ADAMTS17: variants seen among roughly 807,000 people sequenced by gnomAD.
ADAMTS17 encodes the protein A disintegrin and metalloproteinase with thrombospondin motifs 17.
In ADAMTS17, 113 loss-of-function variants were observed where a neutral mutation model predicts 141.5. That is an observed-to-expected ratio of 0.80 (90% confidence interval 0.69 to 0.93). ADAMTS17 has a LOEUF of 0.93. ADAMTS17 is among the 40% of genes least tolerant of loss of function. The pLI is 0.00. For synonymous variants in ADAMTS17, 768 were observed against 630.6 expected, an observed-to-expected ratio of 1.22 and a Z score of -3.27; for missense variants, 1,659 against 1,517.9, an observed-to-expected ratio of 1.09 and a Z score of -1.54.
Position 100,183,531 on chromosome 15 carries a change from TTTTG to T in ADAMTS17, c.1181+15783_1181+15786del, listed in dbSNP as rs150232651. 9.6e-3 allele frequency among the ~76,000 whole-genome samples: 1,463 copies of T among 152,344 alleles called. 27 individuals are homozygous for T. Among genetic ancestry groups the T allele is most frequent in the African/African-American group, 0.034 (1,408 of 41,574 alleles). On this transcript the variant is annotated intron_variant, in intron 8 of 21. Transcript: ENST00000268070. The stretch of plus-strand genomic sequence containing the variant: ...TAAAATTTCAATTTCTTTGATGAAA[TTTTG>T]TTTTTGTTTCAAGAAAATTTATAAT...
chr15:100,172,219 G>A (rs1480434819), intron 8 of ADAMTS17, among the ~76,000 whole-genome samples: 1 of 152,176 alleles, frequency 6.6e-6, no homozygotes, highest in Non-Finnish European at 1.5e-5. Flanking sequence ...AGAAAACACT[G>A]GTGCCTGGCT....
intron 13 of ADAMTS17, among the ~76,000 whole-genome samples, chr15:100,110,150 G>A (rs370626223): frequency 7.6e-6 from 1 of 131,160 alleles, no homozygotes; most frequent in Non-Finnish European, 1.5e-5. Context: ...CCAGGACCTG[G>A]CTCACAGAAA....
At chr15:100,099,705 G>A (rs1200665694) in intron 14 of ADAMTS17, among the ~76,000 whole-genome samples, 1 of 152,194 alleles carries the variant, frequency 6.6e-6, no homozygotes, top group Non-Finnish European at 1.5e-5. Flanking sequence ...AAGGACCAAG[G>A]AACAATGTCC....
chr15:100,337,964 T>C (rs187617276), intron 2 of ADAMTS17, among the ~76,000 whole-genome samples: 5 of 152,028 alleles, frequency 3.3e-5, no homozygotes, highest in African/African-American at 1.2e-4. Flanking sequence ...TCACGAAGAG[T>C]GTAAAGGCCT....
intron 3 of ADAMTS17, among the ~76,000 whole-genome samples, chr15:100,292,779 G>A (rs1596463844): frequency 6.6e-6 from 1 of 152,178 alleles, no homozygotes; most frequent in Non-Finnish European, 1.5e-5. Context: ...CATTCATTCT[G>A]CCCTGAAATT....
At chr15:100,100,777 T>C (rs1184430084) in intron 14 of ADAMTS17, among the ~76,000 whole-genome samples, 1 of 152,174 alleles carries the variant, frequency 6.6e-6, no homozygotes, top group East Asian at 1.9e-4. Context: ...AGATAAGATC[T>C]GTGGCCAAAG....
Position 100,261,546 on chromosome 15 carries a change from C to T in ADAMTS17, c.964G>A (p.Gly322Ser), listed in dbSNP as rs148282394. 1.1e-4 allele frequency: 170 copies of T among 1,614,036 alleles called. No homozygotes were observed. Among genetic ancestry groups the T allele is most frequent in the East Asian group, 3.8e-4 (17 of 44,886 alleles). The part of the protein sequence containing the change: ...NEEYGGARYL[G>S]NNQVPGGKDD... ...TTCCCGCCGGGAACCTGGTTATTGC[C>T]GAGGTATCGCGCTCCTCCATACTCC... The change falls in exon 6 of 22, where the codon GGC becomes AGC. Residue 322 changes from glycine to serine, a missense_variant. Physicochemically the swap from Gly to Ser is moderately conservative, Grantham distance 56. Coordinates refer to ENST00000268070, the MANE Select transcript of ADAMTS17 (RefSeq NM_139057.4).
chr15:100,174,275 G>A (rs933232581), intron 8 of ADAMTS17, among the ~76,000 whole-genome samples: 1 of 152,148 alleles, frequency 6.6e-6, no homozygotes, highest in Middle Eastern at 3.2e-3. Flanking sequence ...GAGGGCAATA[G>A]TGTTGGCAGA....
intron 20 of ADAMTS17, among the ~76,000 whole-genome samples, chr15:99,977,369 T>C (rs1279557763): frequency 7.2e-5 from 1 of 13,834 alleles, no homozygotes; most frequent in African/African-American, 3.5e-4. Flanking sequence ...TATATATATA[T>C]ATATATATAT....
At chr15:100,257,926 C>A (rs1429745202) in intron 6 of ADAMTS17, among the ~76,000 whole-genome samples, 1 of 152,208 alleles carries the variant, frequency 6.6e-6, no homozygotes, top group East Asian at 1.9e-4. Flanking sequence ...CTCCCTTCTC[C>A]CCAGCCTCTG....
intron 7 of ADAMTS17, among the ~76,000 whole-genome samples, chr15:100,220,316 C>T (rs1235228569): frequency 6.6e-6 from 1 of 152,166 alleles, no homozygotes; most frequent in Non-Finnish European, 1.5e-5. Context: ...ATAAATCCAT[C>T]CTAAGTGGGG....
chr15:100,288,111 G>C (rs1039528951), intron 3 of ADAMTS17, among the ~76,000 whole-genome samples: 14 of 152,198 alleles, frequency 9.2e-5, no homozygotes, highest in African/African-American at 3.4e-4. Context: ...GTCTTCAAGA[G>C]ACCCATCTCA....
chr15:100,100,776 C>G (rs1462740692), intron 14 of ADAMTS17, among the ~76,000 whole-genome samples: 3 of 152,118 alleles, frequency 2.0e-5, no homozygotes, highest in Non-Finnish European at 4.4e-5. Context: ...GAGATAAGAT[C>G]TGTGGCCAAA....
intron 7 of ADAMTS17, among the ~76,000 whole-genome samples, chr15:100,236,701 A>G (rs2042666752): frequency 6.6e-6 from 1 of 152,074 alleles, no homozygotes; most frequent in African/African-American, 2.4e-5. Context: ...AGCTGGGCAT[A>G]GTGGTGCGTG....
At chr15:100,140,357 T>C (rs906417952) in intron 10 of ADAMTS17, among the ~76,000 whole-genome samples, 2 of 151,986 alleles carry the variant, frequency 1.3e-5, no homozygotes, top group African/African-American at 4.8e-5. Context: ...TTGTAAGTTT[T>C]AAGAGTTACA....
intron 8 of ADAMTS17, among the ~76,000 whole-genome samples, chr15:100,193,189 T>C (rs2040982962): frequency 6.6e-6 from 1 of 152,252 alleles, no homozygotes; most frequent in African/African-American, 2.4e-5. Context: ...TCCAGGCTTC[T>C]GCCCGGCCCA....
intron 6 of ADAMTS17, among the ~76,000 whole-genome samples, chr15:100,255,641 C>CACACACACACACACACACACAG (rs1432309161): frequency 4.7e-4 from 72 of 151,958 alleles, no homozygotes; most frequent in Non-Finnish European, 8.5e-4. Flanking sequence ...CACACACACA[C>CACACACACACACACACACACAG]AGCTGGCCCA....
intron 8 of ADAMTS17, among the ~76,000 whole-genome samples, chr15:100,185,122 G>A (rs1021345342): frequency 3.3e-5 from 5 of 152,310 alleles, no homozygotes; most frequent in Admixed American, 2.0e-4. Context: ...GGTCAGCAGT[G>A]TGGACACTGA....
At chr15:100,230,918 A>G (rs536535566) in intron 7 of ADAMTS17, among the ~76,000 whole-genome samples, 107 of 152,278 alleles carry the variant, frequency 7.0e-4, no homozygotes, top group African/African-American at 2.6e-3. Context: ...CCAGGGGACA[A>G]GAACAGCCCA....
Sources: gnomAD v4.1 joint callset for allele counts (sites outside exome capture counted in the v4.1 genomes callset) on GRCh38, gnomAD v4.1.1 for gene constraint, MANE v1.5 for transcripts, NCBI Gene and HGNC (gene_info 2026-07-23, HGNC 2026-07-21) for gene names.